The following RGS8 variants were observed in gnomAD, a reference collection of about 807,000 sequenced individuals.
RGS8 encodes the protein regulator of G-protein signaling 8.
Under a neutral mutation model 21.7 loss-of-function variants are expected in RGS8, and 8 were observed. That is an observed-to-expected ratio of 0.37 (90% CI 0.22 to 0.66). RGS8 has a LOEUF of 0.66. Ranked by LOEUF, RGS8 falls within the 30% of genes least tolerant of loss-of-function variation. RGS8 has a pLI of 0.59. For synonymous variants in RGS8, 80 were observed against 83.6 expected, an observed-to-expected ratio of 0.96 and a Z score of 0.24; for missense variants, 157 against 217.9, an observed-to-expected ratio of 0.72 and a Z score of 1.76.
the RGS8 span, among the ~76,000 whole-genome samples, chr1:182,750,701 C>A: frequency 6.6e-6 from 1 of 152,090 alleles, no homozygotes; most frequent in Non-Finnish European, 1.5e-5. Context: ...CATTGAATAC[C>A]TTCATGTTTA....
At chr1:182,707,816 C>T in the RGS8 span, among the ~76,000 whole-genome samples, 1 of 152,182 alleles carries the variant, frequency 6.6e-6, no homozygotes, top group Non-Finnish European at 1.5e-5. Context: ...ACACCATTCT[C>T]CTGCCTCAGT....
At position 182,646,629 on chromosome 1, in the gene RGS8, C is replaced by T. The variant is rs1428597827; in HGVS notation, c.*106G>A. On this transcript the variant is annotated 3_prime_UTR_variant, in exon 7 of 7. Coordinates refer to ENST00000483095, the Ensembl canonical transcript of RGS8. Reference sequence around the variant, plus strand: ...CCCTCCTCACCCCCAGCCTCCCACCCCCAATGCCACCGCTTTTGAACACCT... The same window carrying T: ...CCCTCCTCACCCCCAGCCTCCCACCTCCAATGCCACCGCTTTTGAACACCT... 8 of 1,080,492 alleles carry T rather than the reference C, an allele frequency of 7.4e-6. No individual in the cohort carries two copies. The East Asian group carries it at 1.4e-4, about 19-fold the overall frequency. The allele number at this position is 1,080,492 out of a possible 1,614,324, so 66.9% of individuals were successfully genotyped here.
chr1:182,690,885 G>T, the RGS8 span, among the ~76,000 whole-genome samples: 1 of 152,214 alleles, frequency 6.6e-6, no homozygotes, highest in African/African-American at 2.4e-5. Context: ...CAGGATGCAA[G>T]TAGACTTGAA....
upstream of RGS8, among the ~76,000 whole-genome samples, chr1:182,674,852 C>T (rs773834262): frequency 3.9e-5 from 6 of 152,180 alleles, no homozygotes; most frequent in East Asian, 1.9e-4. Flanking sequence ...CCACAACTCA[C>T]GTTTCTTACA....
At chr1:182,686,159 G>A (rs1372090821), upstream of RGS8, among the ~76,000 whole-genome samples, 1 of 152,320 alleles carries the variant, frequency 6.6e-6, no homozygotes, top group East Asian at 1.9e-4. Context: ...ATGGAGTCTA[G>A]AGGTACCTGG....
At chr1:182,648,585 A>C (rs1400059182) in intron 5 of RGS8, among the ~76,000 whole-genome samples, 1 of 151,332 alleles carries the variant, frequency 6.6e-6, no homozygotes, top group Non-Finnish European at 1.5e-5. Context: ...AATACAAAAA[A>C]AATTAGCTGG....
intron 5 of RGS8, among the ~76,000 whole-genome samples, chr1:182,651,219 C>A (rs16859378): frequency 0.029 from 4,446 of 152,274 alleles, 223 homozygotes; most frequent in African/African-American, 0.098. Flanking sequence ...ACTAATGTAA[C>A]AAAGTACAGA....
At chr1:182,728,639 A>G in the RGS8 span, among the ~76,000 whole-genome samples, 7 of 152,248 alleles carry the variant, frequency 4.6e-5, no homozygotes, top group Non-Finnish European at 1.0e-4. Flanking sequence ...AGAAAATTTA[A>G]TAGTATTCTT....
chr1:182,711,544 G>A, the RGS8 span, among the ~76,000 whole-genome samples: 26 of 152,186 alleles, frequency 1.7e-4, no homozygotes, highest in African/African-American at 5.1e-4. Context: ...GAGGAAAGGA[G>A]GACTGATAAG....
the RGS8 span, among the ~76,000 whole-genome samples, chr1:182,702,144 G>A: frequency 6.6e-6 from 1 of 152,198 alleles, no homozygotes; most frequent in South Asian, 2.1e-4. Flanking sequence ...CAGTAGCAAA[G>A]ACAAGGACTC....
the RGS8 span, among the ~76,000 whole-genome samples, chr1:182,723,340 C>A: frequency 6.6e-6 from 1 of 152,192 alleles, no homozygotes; most frequent in South Asian, 2.1e-4. Context: ...GGAGAATCGG[C>A]TTCCAAGCTC....
intron 5 of RGS8, among the ~76,000 whole-genome samples, chr1:182,656,459 C>A (rs1663283979): frequency 6.6e-6 from 1 of 152,244 alleles, no homozygotes; most frequent in East Asian, 1.9e-4. Context: ...AAAGTCTCTT[C>A]TCTCCCACAA....
At chr1:182,748,916 T>C in the RGS8 span, among the ~76,000 whole-genome samples, 1 of 152,216 alleles carries the variant, frequency 6.6e-6, no homozygotes, top group African/African-American at 2.4e-5. Context: ...GGGAAATGCT[T>C]ATTCAGGTCT....
At chr1:182,673,052 G>C, upstream of RGS8, 2 of 589,444 alleles carry the variant, frequency 3.4e-6, no homozygotes, top group Non-Finnish European at 6.0e-6. Flanking sequence ...TTTGCAAACC[G>C]CTGCCCTGGG....
the RGS8 span, chr1:182,734,770 G>GC: frequency 6.6e-6 from 1 of 152,140 alleles, no homozygotes; most frequent in African/African-American, 2.4e-5. Flanking sequence ...GAGGTTCAGA[G>GC]CCTATAATCA....
At chr1:182,702,908 T>C in the RGS8 span, among the ~76,000 whole-genome samples, 1 of 152,128 alleles carries the variant, frequency 6.6e-6, no homozygotes, top group Non-Finnish European at 1.5e-5. Context: ...ATATGGAGAG[T>C]AAGTCACCTC....
the RGS8 span, among the ~76,000 whole-genome samples, chr1:182,727,092 C>A: frequency 3.6e-3 from 542 of 152,262 alleles, 3 homozygotes; most frequent in Non-Finnish European, 6.8e-3. Flanking sequence ...GGTTGCTTCC[C>A]ACAAGTCAGG....
intron 1 of RGS8, among the ~76,000 whole-genome samples, chr1:182,679,850 A>G (rs1664485354): frequency 6.6e-6 from 1 of 152,034 alleles, no homozygotes; most frequent in African/African-American, 2.4e-5. Flanking sequence ...ACACACATAT[A>G]AACCTTGGCT....
Position 182,666,985 on chromosome 1 carries a change from A to G in RGS8, c.27-12T>C. 6.2e-7 allele frequency: 1 copy of G among 1,601,732 alleles called. No homozygotes were observed. Reference sequence around the variant, plus strand: ...TCATCCCTTTGTTCCTGCAACAAGCACAGGGGCAGAAGGACGGGGAAACTC... The same window carrying G: ...TCATCCCTTTGTTCCTGCAACAAGCGCAGGGGCAGAAGGACGGGGAAACTC... On this transcript the variant is annotated splice_polypyrimidine_tract_variant and intron_variant, in intron 3 of 6. Coordinates refer to ENST00000483095, the Ensembl canonical transcript of RGS8.
Sources: allele counts gnomAD v4.1 joint callset (sites outside exome capture counted in the v4.1 genomes callset), GRCh38; gene constraint gnomAD v4.1.1; transcripts MANE v1.5; gene names NCBI Gene and HGNC (gene_info 2026-07-23, HGNC 2026-07-21).